The following KIN variants were observed in gnomAD, a reference collection of about 807,000 sequenced individuals.
KIN encodes the protein DNA/RNA-binding protein KIN17.
In KIN, 47 loss-of-function variants were observed where a neutral mutation model predicts 63.0. The observed-to-expected ratio is 0.75, with a 90% CI of 0.59 to 0.95. KIN has a LOEUF of 0.95. Among genes scored for constraint, KIN ranks in the 40% least tolerant of loss-of-function variants. The pLI, the probability that KIN is intolerant of heterozygous loss-of-function variation, is 0.00. For synonymous variants in KIN, 160 were observed against 157.7 expected, an observed-to-expected ratio of 1.01 and a Z score of -0.11; for missense variants, 408 against 460.9, an observed-to-expected ratio of 0.89 and a Z score of 1.05.
At chr10:7,768,642 T>C (rs1425850049) in intron 8 of KIN, among the ~76,000 whole-genome samples, 7 of 152,042 alleles carry the variant, frequency 4.6e-5, no homozygotes, top group Non-Finnish European at 7.4e-5. Context: ...AGGCCAACCA[T>C]GAAGGACTCC....
chr10:7,769,358 A>G lies in KIN; in HGVS notation c.669-13T>C. The G allele has an allele frequency of 6.2e-7, 1 of 1,605,812 alleles. No homozygotes were observed. Among genetic ancestry groups the G allele is most frequent in the Non-Finnish European group, 8.5e-7 (1 of 1,177,624 alleles). On this transcript the variant is annotated splice_polypyrimidine_tract_variant and intron_variant, in intron 7 of 12. Coordinates refer to ENST00000379562, the MANE Select transcript of KIN (RefSeq NM_012311.4). ...CGGTCCCAGAGTACTGATGAACAGG[A>G]GAACCATGCTTGTTACCAAGAACCA...
rs931115851 is a variant in KIN, at chr10:7,755,295, G to A, written c.*785C>T. ...ACAAAATACGGTACATCCATACAGT[G>A]GAATATTAAGCAGCCATAAAAACAA... is the stretch of plus-strand genomic sequence containing the variant. On this transcript the variant is annotated 3_prime_UTR_variant, in exon 13 of 13. Coordinates refer to ENST00000379562, the MANE Select transcript of KIN (RefSeq NM_012311.4). 6.6e-5 allele frequency: 10 copies of A among 152,140 alleles called. No homozygotes were observed. Among genetic ancestry groups the A allele is most frequent in the South Asian group, 2.1e-4 (1 of 4,830 alleles). 9.4% of individuals were successfully genotyped at this position (152,140 alleles called of 1,614,324 possible).
intron 12 of KIN, among the ~76,000 whole-genome samples, chr10:7,758,246 T>A (rs1018414866): frequency 1.2e-4 from 19 of 152,056 alleles, no homozygotes; most frequent in African/African-American, 4.3e-4. Context: ...ATTTTTGTAT[T>A]TTTAGTGGAG....
intron 12 of KIN, 65 bp downstream of exon 12, chr10:7,759,825 T>TA (rs767035598): frequency 1.7e-4 from 143 of 826,100 alleles, no homozygotes; most frequent in Non-Finnish European, 2.4e-4. Flanking sequence ...ACAATCCAAT[T>TA]AAAAAAAACT....
In KIN at chr10:7,780,280, A is replaced by C. The variant is rs1342389799; in HGVS notation, c.237T>G (p.Leu79=). 1.9e-6 allele frequency: 3 copies of C among 1,607,236 alleles called. No homozygotes were observed. The highest frequency in any genetic ancestry group is 2.2e-5 in the South Asian group (2 of 89,936). Residue 79 remains leucine, a synonymous_variant, in exon 3 of 13, where the codon CTT becomes CTG. Coordinates refer to ENST00000379562, the MANE Select transcript of KIN (RefSeq NM_012311.4). ...AATGTTTACCAAAGCGTCTCCTGAG[A>C]AGTTCTAGAAAGTCATTTCGGAATT... The part of the protein sequence containing the change: ...SEEFRNDFLE[L]LRRRFGTKRV...
At chr10:7,773,167 C>T (rs1000354617) in intron 7 of KIN, among the ~76,000 whole-genome samples, 3 of 152,176 alleles carry the variant, frequency 2.0e-5, no homozygotes, top group Non-Finnish European at 2.9e-5. Context: ...GATTCTTCCC[C>T]GGAGCTCAGA....
At chr10:7,756,554 A>G (rs953872747) in intron 12 of KIN, among the ~76,000 whole-genome samples, 8 of 152,200 alleles carry the variant, frequency 5.3e-5, no homozygotes, top group Non-Finnish European at 1.2e-4. Flanking sequence ...TTGCCTGCCC[A>G]GTGCACACAG....
At position 7,753,666 on chromosome 10, in the gene KIN, A is replaced by G. The variant is rs189733528; in HGVS notation, c.*2414T>C. The G allele has an allele frequency of 1.9e-3, 299 of 157,840 alleles. 1 individual carries two copies. Among genetic ancestry groups the G allele is most frequent in the Non-Finnish European group, 2.7e-3 (190 of 71,676 alleles). 9.8% of individuals were successfully genotyped at this position (157,840 alleles called of 1,614,324 possible). On this transcript the variant is annotated 3_prime_UTR_variant, in exon 13 of 13. Transcript: ENST00000379562. ...GCAATTCAAGAACATTAACATTCTA[A>G]TATTACAAAGCCAATGAACAGAACT...
chr10:7,779,371 C>T (rs1032543380), intron 4 of KIN, among the ~76,000 whole-genome samples: 1 of 152,208 alleles, frequency 6.6e-6, no homozygotes, highest in Admixed American at 6.5e-5. Flanking sequence ...CCTACCACTG[C>T]ACTTCAGCCT....
chr10:7,765,623 T>C (rs1346378221), intron 9 of KIN, among the ~76,000 whole-genome samples: 1 of 152,216 alleles, frequency 6.6e-6, no homozygotes, highest in African/African-American at 2.4e-5. Flanking sequence ...CTTGAGTTTG[T>C]GAAATTAAAG....
chr10:7,766,122 C>G lies in KIN; in HGVS notation c.799-19G>C. Reference sequence around the variant, plus strand: ...CTTCAATCTGTAGAACACATAATGTCTTAAATTATCTCCCTAAAATCCTCA... The same window carrying G: ...CTTCAATCTGTAGAACACATAATGTGTTAAATTATCTCCCTAAAATCCTCA... On this transcript the variant is annotated intron_variant, in intron 8 of 12. Transcript: ENST00000379562. 2 of 1,556,910 alleles carry G rather than the reference C, an allele frequency of 1.3e-6. No homozygotes were observed. Among genetic ancestry groups the G allele is most frequent in the Non-Finnish European group, 1.8e-6 (2 of 1,132,200 alleles).
chr10:7,775,781 C>T lies in KIN; in HGVS notation c.577G>A (p.Glu193Lys), dbSNP rs755708945. 3 of 1,554,342 alleles carry T rather than the reference C, an allele frequency of 1.9e-6. No homozygotes were observed. Among genetic ancestry groups the T allele is most frequent in the Non-Finnish European group, 2.6e-6 (3 of 1,145,194 alleles). The change falls in exon 6 of 13, where the codon GAA becomes AAA. Residue 193 changes from glutamate to lysine, a missense_variant. Glu to Lys is a moderately conservative substitution (Grantham distance 56, BLOSUM62 1). Transcript: ENST00000379562. ...GKEQEVPTFT[E>K]LSRENDEEKV... ...TCTTCATCATTTTCTCTGCTTAATTCCGTAAAAGTAGGGACCTCCTAAAAA... is the reference window on the plus strand; with the variant it reads ...TCTTCATCATTTTCTCTGCTTAATTTCGTAAAAGTAGGGACCTCCTAAAAA...
chr10:7,759,603 T>C (rs1835398903), intron 12 of KIN, among the ~76,000 whole-genome samples: 3 of 152,048 alleles, frequency 2.0e-5, no homozygotes, highest in African/African-American at 7.2e-5. Flanking sequence ...AAAATATTAA[T>C]GGGGTTTATT....
At chr10:7,762,991 C>T (rs1835467107) in intron 10 of KIN, among the ~76,000 whole-genome samples, 1 of 152,184 alleles carries the variant, frequency 6.6e-6, no homozygotes, top group South Asian at 2.1e-4. Flanking sequence ...TGCAGTGGCT[C>T]ACATCTGTAA....
chr10:7,765,667 T>A (rs1452173729), intron 9 of KIN, among the ~76,000 whole-genome samples: 1 of 152,214 alleles, frequency 6.6e-6, no homozygotes, highest in Non-Finnish European at 1.5e-5. Flanking sequence ...TATTAATAAA[T>A]GGACATTCTA....
chr10:7,769,327 T>G lies in KIN; in HGVS notation c.687A>C (p.Ala229=). Residue 229 remains alanine (A), a synonymous_variant, in exon 8 of 13, where the codon GCA becomes GCC. Transcript: ENST00000379562. ...SSKSSTLGPS[A]LKTIGSSASV... ...ATGCTGAACTTCCTATCGTCTTCAG[T>G]GCACTCGGTCCCAGAGTACTGATGA... is the stretch of plus-strand genomic sequence containing the variant. 6.2e-7 allele frequency: 1 copy of G among 1,613,930 alleles called. No homozygotes were observed. Among genetic ancestry groups the G allele is most frequent in the Non-Finnish European group, 8.5e-7 (1 of 1,179,916 alleles).
At chr10:7,758,074 T>G (rs946875586) in intron 12 of KIN, among the ~76,000 whole-genome samples, 3 of 140,038 alleles carry the variant, frequency 2.1e-5, no homozygotes, top group African/African-American at 7.7e-5. Context: ...AGGAGACAGA[T>G]TCCCTTTTTT....
Position 7,780,326 on chromosome 10 carries a change from A to G in KIN, c.210-19T>C. 6.3e-7 allele frequency: 1 copy of G among 1,587,740 alleles called. No homozygotes were observed. Among genetic ancestry groups the G allele is most frequent in the South Asian group, 1.1e-5 (1 of 88,548 alleles). On this transcript the variant is annotated intron_variant, in intron 2 of 12. Transcript: ENST00000379562. ...GAATTCCCTAATAAAGAAAGAAAGGAAAGCATTAAGGTAATTTCTACAAAC... is the reference window on the plus strand; with the variant it reads ...GAATTCCCTAATAAAGAAAGAAAGGGAAGCATTAAGGTAATTTCTACAAAC...
intron 2 of KIN, 61 bp from the exon 3 acceptor site, chr10:7,780,368 T>C (rs1164242740): frequency 6.4e-6 from 9 of 1,410,342 alleles, no homozygotes; most frequent in Admixed American, 2.2e-5. Flanking sequence ...CATCATCTTT[T>C]TGAAATTTAA....
Sources: allele counts gnomAD v4.1 joint callset (sites outside exome capture counted in the v4.1 genomes callset), GRCh38; gene constraint gnomAD v4.1.1; transcripts MANE v1.5; gene names NCBI Gene and HGNC (gene_info 2026-07-23, HGNC 2026-07-21).